Variants in LRRC43 observed in about 807,000 individuals in gnomAD.
LRRC43 encodes leucine rich repeat containing 43, also known as leucine-rich repeat-containing protein 43.
Under a neutral mutation model 64.3 loss-of-function variants are expected in LRRC43, and 62 were observed. The observed-to-expected ratio is 0.96, with a 90% CI of 0.79 to 1.19. LRRC43 has a LOEUF of 1.19. Among genes scored for constraint, LRRC43 ranks in the 50% most tolerant of loss-of-function variants. The probability of loss-of-function intolerance (pLI) is 0.00; values close to 1 mark genes in which losing one functional copy is unlikely to be tolerated. For missense variants in LRRC43, 868 were observed against 845.0 expected (o/e 1.03, Z -0.34); for synonymous variants, 422 against 382.3 (o/e 1.10, Z -1.21).
At chr12:122,182,742 A>C (rs1160315000), upstream of LRRC43, among the ~76,000 whole-genome samples, 4 of 152,058 alleles carry the variant, frequency 2.6e-5, no homozygotes, top group Non-Finnish European at 5.9e-5. Context: ...TGGGTGATTA[A>C]ACAGTTATAC....
In LRRC43 at chr12:122,192,792, T is replaced by G; in HGVS notation, c.1137T>G (p.Pro379=). The G allele has an allele frequency of 6.2e-7, 1 of 1,614,164 alleles. No individual in the cohort carries two copies. The highest frequency in any genetic ancestry group is 1.1e-5 in the South Asian group (1 of 91,090). ...PSLELLVEES[P]EEVVEDVIED... ...TAGAATTATTAGTTGAGGAATCTCC[T>G]GAAGAGGTCGTGGAAGACGTCATCG... The change falls in exon 7 of 12, where the codon CCT becomes CCG. Residue 379 remains proline, a synonymous_variant. Coordinates refer to ENST00000339777, the MANE Select transcript of LRRC43 (RefSeq NM_001098519.2).
Position 122,201,176 on chromosome 12 carries a change from A to C in LRRC43, c.1810-120A>C, listed in dbSNP as rs1593156087. The C allele has an allele frequency of 6.2e-6, 7 of 1,137,638 alleles. No homozygotes were observed. In the East Asian group the frequency reaches 1.6e-4, roughly 27 times the overall value. 70.5% of individuals were successfully genotyped at this position (1,137,638 alleles called of 1,614,324 possible). A position where few individuals can be genotyped will look rare whatever the true frequency, so the allele number is the denominator to read the frequency against. On this transcript the variant is annotated intron_variant, in intron 10 of 11. Transcript: ENST00000339777. ...ATGGGCTGGGGCAGCCACCCTCACC[A>C]GGAGACCCCCGCCTTCCTGGACCTG...
intron 2 of LRRC43, among the ~76,000 whole-genome samples, chr12:122,185,944 A>G (rs1953638152): frequency 6.6e-6 from 1 of 152,182 alleles, no homozygotes; most frequent in Non-Finnish European, 1.5e-5. Context: ...TGGTCCAACA[A>G]AGGACACAGG....
chr12:122,176,541 T>TTTTG (rs1953538749), intron 1 of LRRC43, among the ~76,000 whole-genome samples: 1 of 152,024 alleles, frequency 6.6e-6, no homozygotes, highest in Non-Finnish European at 1.5e-5. Context: ...TTTTGTTTTT[T>TTTTG]TTTTTGGAGA....
rs1269101621 is a variant in LRRC43 at position 122,200,687 on chromosome 12, C to T, written c.1620+27C>T. On this transcript the variant is annotated intron_variant, in intron 9 of 11. Transcript: ENST00000339777. The surrounding 1 kb of genome is among the most constrained non-coding windows in gnomAD (Gnocchi z 4.6). ...TACCGGGCCTTGGTGCTGGGGAGGG[C>T]AGCCTGGCCACACCCTTGCTTCAAC... is the stretch of plus-strand genomic sequence containing the variant. The T allele has an allele frequency of 1.2e-6, 2 of 1,613,226 alleles. No homozygotes were observed. Among genetic ancestry groups the T allele is most frequent in the African/African-American group, 2.7e-5 (2 of 75,016 alleles).
chr12:122,169,150 G>A (rs1324953350), intron 1 of LRRC43, among the ~76,000 whole-genome samples: 1 of 152,148 alleles, frequency 6.6e-6, no homozygotes, highest in Non-Finnish European at 1.5e-5. Context: ...TCTTTAGAAG[G>A]GAGTCACCAA....
At chr12:122,201,157 T>G (rs1414315918) in intron 10 of LRRC43, 139 bp from the exon 11 acceptor site, 2 of 1,058,880 alleles carry the variant, frequency 1.9e-6, no homozygotes, top group East Asian at 4.7e-5. Flanking sequence ...GGGGATGGGC[T>G]GGGGCAGCCA....
intron 1 of LRRC43, among the ~76,000 whole-genome samples, chr12:122,168,371 G>T (rs1050035552): frequency 6.6e-6 from 1 of 151,506 alleles, no homozygotes; most frequent in South Asian, 2.1e-4. Flanking sequence ...AACCTGGGAC[G>T]TGGAGATTGT....
chr12:122,168,227 G>A (rs1440074513), intron 1 of LRRC43, among the ~76,000 whole-genome samples: 1 of 149,782 alleles, frequency 6.7e-6, no homozygotes, highest in Non-Finnish European at 1.5e-5. Flanking sequence ...GATCACTCAA[G>A]GTCAGGAGTT....
chr12:122,202,443 G>A (rs1038784254), intron 11 of LRRC43: 20 of 152,166 alleles, frequency 1.3e-4, no homozygotes, highest in African/African-American at 4.6e-4. Flanking sequence ...TTGTTACAAT[G>A]TGAAAACAAT....
At position 122,200,965 on chromosome 12, in the gene LRRC43, C is replaced by T. The variant is rs1313482928; in HGVS notation, c.1809+31C>T. ...GCCGGGCCCTAGCCACATCCTCCAC[C>T]TCTGCCTTCGCCCTCCCCATGGGAA... On this transcript the variant is annotated intron_variant, in intron 10 of 11. Coordinates refer to ENST00000339777, the MANE Select transcript of LRRC43 (RefSeq NM_001098519.2). The surrounding 1 kb of genome is among the most constrained non-coding windows in gnomAD (Gnocchi z 4.6). 7.1e-6 allele frequency: 11 copies of T among 1,553,362 alleles called. No homozygotes were observed. Among genetic ancestry groups the T allele is most frequent in the Non-Finnish European group, 9.6e-6 (11 of 1,151,538 alleles).
rs1428870674 is a variant in LRRC43, at chr12:122,203,304, A to C, written c.1844-11A>C. On this transcript the variant is annotated splice_polypyrimidine_tract_variant and intron_variant, in intron 11 of 11. Coordinates refer to ENST00000339777, the MANE Select transcript of LRRC43 (RefSeq NM_001098519.2). Reference sequence around the variant, plus strand: ...CTCCCGGGGCTCATGCTCGCACTTAAATTTTCTCAGAAAAGCCGAAAGCCG... The same window carrying C: ...CTCCCGGGGCTCATGCTCGCACTTACATTTTCTCAGAAAAGCCGAAAGCCG... 6.2e-7 allele frequency: 1 copy of C among 1,609,916 alleles called. No homozygotes were observed. Among genetic ancestry groups the C allele is most frequent in the South Asian group, 1.1e-5 (1 of 90,796 alleles).
chr12:122,173,007 T>C (rs907448138), intron 1 of LRRC43, among the ~76,000 whole-genome samples: 5 of 152,090 alleles, frequency 3.3e-5, no homozygotes, highest in African/African-American at 1.2e-4. Flanking sequence ...TCTCACGTGC[T>C]CAGGGTGGTG....
intron 4 of LRRC43, 55 bp downstream of exon 4, chr12:122,187,895 G>A: frequency 6.3e-7 from 1 of 1,590,294 alleles, no homozygotes; most frequent in Non-Finnish European, 8.6e-7. Context: ...ATCAGGTTGG[G>A]GCGATTCTAC....
At chr12:122,186,167 C>T (rs1953641579) in intron 2 of LRRC43, 23 bp from the exon 3 acceptor site, 1 of 1,404,984 alleles carries the variant, frequency 7.1e-7, no homozygotes, top group Non-Finnish European at 9.9e-7. Context: ...CTACAGCCCT[C>T]AGCTTCCTCT....
intron 2 of LRRC43, among the ~76,000 whole-genome samples, chr12:122,185,020 C>T (rs1013602325): frequency 6.6e-6 from 1 of 152,188 alleles, no homozygotes; most frequent in Non-Finnish European, 1.5e-5. Flanking sequence ...AGCTTCCACC[C>T]CTGAGTTCTG....
At chr12:122,198,071 C>T (rs559284355) in intron 7 of LRRC43, among the ~76,000 whole-genome samples, 8 of 152,092 alleles carry the variant, frequency 5.3e-5, no homozygotes, top group Non-Finnish European at 1.0e-4. Context: ...ACCTCCGCCT[C>T]CCGGGTTCAA....
rs1351716944 is a variant in LRRC43 at position 122,187,706 on chromosome 12, G to A, written c.528G>A (p.Leu176=). The change falls in exon 4 of 12, where the codon CTG becomes CTA. Residue 176 remains leucine (L), a synonymous_variant. Transcript: ENST00000339777. ...ATNLPPTLKV[L]ELYGNEISSM... ...CCTTCCGTGTGGTCTCCCAGGTGCT[G>A]GAGCTCTACGGCAATGAGATCAGCA... 14 of 1,613,356 alleles carry A rather than the reference G, an allele frequency of 8.7e-6. No homozygotes were observed. The highest frequency in any genetic ancestry group is 1.1e-5 in the Non-Finnish European group (13 of 1,180,018).
At chr12:122,189,485 C>T (rs10847725) in intron 4 of LRRC43, 453,024 of 456,708 alleles carry the variant, frequency 0.99, 224,783 homozygotes, top group East Asian at 1. Flanking sequence ...TTCTCAGAGC[C>T]GAGATCAATT....
Sources: allele counts gnomAD v4.1 joint callset (sites outside exome capture counted in the v4.1 genomes callset), GRCh38; gene constraint gnomAD v4.1.1; non-coding constraint Gnocchi (gnomAD v3.1); transcripts MANE v1.5; gene names NCBI Gene and HGNC (gene_info 2026-07-23, HGNC 2026-07-21).